Variants in ADGRG7 observed in about 807,000 individuals in gnomAD.
ADGRG7 encodes the protein adhesion G protein-coupled receptor G7.
Under a neutral mutation model 88.6 loss-of-function variants are expected in ADGRG7, and 82 were observed. That is an observed-to-expected ratio of 0.93 (90% CI 0.77 to 1.11). ADGRG7 has a LOEUF of 1.11. Among genes scored for constraint, ADGRG7 ranks in the 50% most tolerant of loss-of-function variants. ADGRG7 has a pLI of 0.00. For synonymous variants in ADGRG7, 381 were observed against 345.2 expected (o/e 1.10, Z -1.15); for missense variants, 945 against 953.4 (o/e 0.99, Z 0.12).
At chr3:100,693,545 G>A (rs544403201) in intron 15 of ADGRG7, among the ~76,000 whole-genome samples, 27 of 152,142 alleles carry the variant, frequency 1.8e-4, no homozygotes, top group Non-Finnish European at 3.7e-4. Context: ...TCTTTCCAGA[G>A]TACCAGAAGT....
intron 13 of ADGRG7, among the ~76,000 whole-genome samples, chr3:100,657,064 AG>A (rs2094938635): frequency 6.6e-6 from 1 of 152,346 alleles, no homozygotes; most frequent in African/African-American, 2.4e-5. Context: ...AGAAGAAAGA[AG>A]CCAACTGACT....
chr3:100,669,153 A>C (rs1245619695), intron 15 of ADGRG7, 48 bp downstream of exon 15: 3 of 1,384,020 alleles, frequency 2.2e-6, no homozygotes, highest in Non-Finnish European at 2.9e-6. Flanking sequence ...AGTGGTGGAG[A>C]TATCATCTTG....
At chr3:100,688,132 C>A (rs1210824701) in intron 15 of ADGRG7, among the ~76,000 whole-genome samples, 3 of 152,144 alleles carry the variant, frequency 2.0e-5, no homozygotes, top group Non-Finnish European at 2.9e-5. Context: ...AGGAATTTAT[C>A]CATTTCTTCT....
intron 15 of ADGRG7, among the ~76,000 whole-genome samples, chr3:100,670,309 G>A (rs1050757900): frequency 6.6e-6 from 1 of 152,092 alleles, no homozygotes; most frequent in African/African-American, 2.4e-5. Flanking sequence ...ATGACCTCCA[G>A]TTCCATCCAT....
chr3:100,664,084 G>C (rs959113318), intron 14 of ADGRG7, among the ~76,000 whole-genome samples: 5 of 151,808 alleles, frequency 3.3e-5, no homozygotes, highest in African/African-American at 1.2e-4. Context: ...GCAGATAGTC[G>C]GAATTTTTAA....
At chr3:100,675,233 C>T (rs1036590515) in intron 15 of ADGRG7, among the ~76,000 whole-genome samples, 1 of 152,046 alleles carries the variant, frequency 6.6e-6, no homozygotes, top group African/African-American at 2.4e-5. Flanking sequence ...GCTGTGAGTC[C>T]GTCATATACA....
At chr3:100,627,585 A>T (rs1352517581) in intron 1 of ADGRG7, among the ~76,000 whole-genome samples, 1 of 152,082 alleles carries the variant, frequency 6.6e-6, no homozygotes, top group Non-Finnish European at 1.5e-5. Context: ...TTATGAAATG[A>T]TTTGGGAAGT....
At chr3:100,673,843 G>A (rs189006215) in intron 15 of ADGRG7, among the ~76,000 whole-genome samples, 52 of 152,100 alleles carry the variant, frequency 3.4e-4, no homozygotes, top group Admixed American at 2.0e-3. Flanking sequence ...TTTTTAAAAG[G>A]GTTTTTCGTG....
intron 15 of ADGRG7, among the ~76,000 whole-genome samples, chr3:100,671,696 A>G (rs984095304): frequency 6.6e-6 from 1 of 152,180 alleles, no homozygotes; most frequent in Admixed American, 6.5e-5. Flanking sequence ...TAGGTCTTAC[A>G]TTTAAGTCTT....
rs766051694 is a variant in ADGRG7, at chr3:100,655,071, T to C, written c.1616T>C (p.Val539Ala). 5 of 1,614,200 alleles carry C rather than the reference T, an allele frequency of 3.1e-6. No homozygotes were observed. The South Asian group carries it at 5.5e-5, about 18-fold the overall frequency. The change falls in exon 12 of 16, where the codon GTG becomes GCG. Residue 539 changes from valine (V) to alanine (A), a missense_variant. Physicochemically the swap from Val to Ala is moderately conservative, Grantham distance 64. Coordinates refer to ENST00000273352, the MANE Select transcript of ADGRG7 (RefSeq NM_032787.3). ...IAALLHYFLL[V>A]TFTWNALSAA... ...GCCTTACTGCACTATTTTCTGTTAG[T>C]GACATTTACCTGGAACGCACTCAGC... is the stretch of plus-strand genomic sequence containing the variant.
chr3:100,694,859 C>T lies in ADGRG7; in HGVS notation c.2252C>T (p.Thr751Met), dbSNP rs761560603. 112 of 1,614,034 alleles carry T rather than the reference C, an allele frequency of 6.9e-5. 1 individual carries two copies. The South Asian group carries it at 9.8e-4, about 14-fold the overall frequency. The part of the protein sequence containing the change: ...IGRRKSLPSV[T>M]RPRLRVKMYN... ...AGAAGGAAGTCATTGCCTTCAGTGA[C>T]GCGGCCGAGGCTGCGTGTAAAGATG... is the stretch of plus-strand genomic sequence containing the variant. The change falls in exon 16 of 16, where the codon ACG becomes ATG. Residue 751 changes from threonine to methionine, a missense_variant. Coordinates refer to ENST00000273352, the MANE Select transcript of ADGRG7 (RefSeq NM_032787.3).
chr3:100,670,350 T>A (rs544050785), intron 15 of ADGRG7, among the ~76,000 whole-genome samples: 1 of 152,340 alleles, frequency 6.6e-6, no homozygotes, highest in Admixed American at 6.5e-5. Context: ...CTCATTCTTT[T>A]TAATGGCTGA....
chr3:100,645,889 T>G, intron 8 of ADGRG7, 56 bp from the exon 9 acceptor site: 1 of 1,485,294 alleles, frequency 6.7e-7, no homozygotes, highest in Non-Finnish European at 9.2e-7. Flanking sequence ...TGACATATTG[T>G]TTTTTGTTTA....
Position 100,633,255 on chromosome 3 carries a change from T to A in ADGRG7, c.335-10T>A, listed in dbSNP as rs1707480753. On this transcript the variant is annotated splice_polypyrimidine_tract_variant and intron_variant, in intron 3 of 15. Coordinates refer to ENST00000273352, the MANE Select transcript of ADGRG7 (RefSeq NM_032787.3). Reference sequence around the variant, plus strand: ...ACTTATTTTTAATAAAAAATTTCTTTGTATTAAAGCGGGCAATCCAATGGC... The same window carrying A: ...ACTTATTTTTAATAAAAAATTTCTTAGTATTAAAGCGGGCAATCCAATGGC... The A allele has an allele frequency of 7.4e-7, 1 of 1,343,364 alleles. No homozygotes were observed. The highest frequency in any genetic ancestry group is 9.7e-7 in the Non-Finnish European group (1 of 1,025,798). The allele number at this position is 1,343,364 out of a possible 1,614,324, so 83.2% of individuals were successfully genotyped here.
intron 15 of ADGRG7, among the ~76,000 whole-genome samples, chr3:100,669,564 C>G (rs1036634594): frequency 8.0e-6 from 1 of 124,380 alleles, no homozygotes; most frequent in South Asian, 2.7e-4. Context: ...AAAAAAAAAT[C>G]TAGTGGGTAC....
At chr3:100,638,244 A>T (rs754667915) in intron 6 of ADGRG7, among the ~76,000 whole-genome samples, 6 of 152,196 alleles carry the variant, frequency 3.9e-5, no homozygotes, top group Non-Finnish European at 7.4e-5. Flanking sequence ...GAATTAGGTC[A>T]CCTGGACAAA....
At chr3:100,630,501 C>A (rs370823404) in intron 2 of ADGRG7, among the ~76,000 whole-genome samples, 1 of 152,146 alleles carries the variant, frequency 6.6e-6, no homozygotes, top group Admixed American at 6.6e-5. Flanking sequence ...TTAACTGGAA[C>A]CTGTTGTCTA....
At chr3:100,615,174 T>G (rs929099786) in intron 1 of ADGRG7, among the ~76,000 whole-genome samples, 2 of 152,204 alleles carry the variant, frequency 1.3e-5, no homozygotes, top group African/African-American at 2.4e-5. Flanking sequence ...ATTACTGATC[T>G]GGAACTAATC....
At chr3:100,687,209 T>C (rs180928531) in intron 15 of ADGRG7, among the ~76,000 whole-genome samples, 1 of 152,340 alleles carries the variant, frequency 6.6e-6, no homozygotes, top group East Asian at 1.9e-4. Context: ...ATGCTTGTGA[T>C]TTTTGCACAT....
Sources: allele counts gnomAD v4.1 joint callset (sites outside exome capture counted in the v4.1 genomes callset), GRCh38; gene constraint gnomAD v4.1.1; transcripts MANE v1.5; gene names NCBI Gene and HGNC (gene_info 2026-07-23, HGNC 2026-07-21).